The following TMEM131 variants were observed in gnomAD, a reference collection of about 807,000 sequenced individuals.
TMEM131 encodes the protein transmembrane protein 131, also known as 2610524E03Rik.
Under a neutral mutation model 211.6 loss-of-function variants are expected in TMEM131, and 66 were observed. The ratio of observed to expected loss-of-function variants is 0.31; its 90% CI spans 0.26 to 0.38. The LOEUF (loss-of-function observed/expected upper bound fraction) is 0.38. Among genes scored for constraint, TMEM131 ranks in the 10% least tolerant of loss-of-function variants. The pLI is 1.00. For missense variants in TMEM131, 2,036 were observed against 2,299.3 expected, an observed-to-expected ratio of 0.89 and a Z score of 2.34; for synonymous variants, 844 against 841.3, an observed-to-expected ratio of 1.00 and a Z score of -0.06.
At chr2:97,954,063 G>A (rs1443403699) in intron 1 of TMEM131, among the ~76,000 whole-genome samples, 1 of 152,140 alleles carries the variant, frequency 6.6e-6, no homozygotes, top group Non-Finnish European at 1.5e-5. Context: ...TAGAAAAGAG[G>A]AAATGGTCTC....
intron 7 of TMEM131, 132 bp downstream of exon 7, chr2:97,841,683 A>G: frequency 9.6e-7 from 1 of 1,037,364 alleles, no homozygotes; most frequent in Non-Finnish European, 1.3e-6. Context: ...ACTAAAAGTA[A>G]TACCCCTCTC....
At chr2:97,825,687 G>T (rs1559383560) in intron 11 of TMEM131, among the ~76,000 whole-genome samples, 1 of 152,120 alleles carries the variant, frequency 6.6e-6, no homozygotes, top group Non-Finnish European at 1.5e-5. Context: ...GAGAGAGCAG[G>T]GATAGCTCTT....
chr2:97,811,366 T>C, intron 17 of TMEM131, 134 bp from the exon 18 acceptor site: 1 of 682,780 alleles, frequency 1.5e-6, no homozygotes, highest in South Asian at 1.6e-5. Flanking sequence ...AATTACCATA[T>C]CACTGTGTAC....
intron 4 of TMEM131, among the ~76,000 whole-genome samples, chr2:97,865,116 A>G (rs1361944847): frequency 6.6e-6 from 1 of 152,238 alleles, no homozygotes; most frequent in African/African-American, 2.4e-5. Flanking sequence ...TTTGGGGATT[A>G]TCTCTCCTTT....
At chr2:97,885,337 G>A (rs976312017) in intron 4 of TMEM131, among the ~76,000 whole-genome samples, 4 of 150,378 alleles carry the variant, frequency 2.7e-5, no homozygotes, top group Middle Eastern at 3.4e-3. Flanking sequence ...GACTACAGGC[G>A]CCCGCCACCA....
intron 18 of TMEM131, among the ~76,000 whole-genome samples, chr2:97,810,195 C>A (rs763895809): frequency 2.6e-5 from 4 of 151,522 alleles, no homozygotes; most frequent in African/African-American, 4.8e-5. Context: ...TTTTTTGATA[C>A]AGAAATAGAC....
At chr2:97,889,157 A>C (rs1322016805) in intron 3 of TMEM131, among the ~76,000 whole-genome samples, 1 of 152,220 alleles carries the variant, frequency 6.6e-6, no homozygotes, top group East Asian at 1.9e-4. Context: ...GAAGGTAATA[A>C]AATCCAAACA....
chr2:97,847,114 G>A (rs1206141626), intron 5 of TMEM131, among the ~76,000 whole-genome samples: 1 of 138,192 alleles, frequency 7.2e-6, no homozygotes, highest in Non-Finnish European at 1.5e-5. Context: ...GCTTGAACCC[G>A]GGAGACAGAG....
chr2:97,871,190 T>C (rs954712497), intron 4 of TMEM131, among the ~76,000 whole-genome samples: 5 of 152,228 alleles, frequency 3.3e-5, no homozygotes, highest in African/African-American at 1.2e-4. Flanking sequence ...AAGCATCTTT[T>C]ACAGCCTGCA....
chr2:97,819,309 AGC>A (rs1681999351), intron 11 of TMEM131, among the ~76,000 whole-genome samples: 1 of 152,244 alleles, frequency 6.6e-6, no homozygotes, highest in African/African-American at 2.4e-5. Flanking sequence ...AGGGATGTTC[AGC>A]TTGAAGCCAG....
intron 1 of TMEM131, among the ~76,000 whole-genome samples, chr2:97,935,790 T>C (rs1285301422): frequency 6.6e-6 from 1 of 152,192 alleles, no homozygotes; most frequent in African/African-American, 2.4e-5. Context: ...AACCAAAAGC[T>C]TGCAGCAATC....
At chr2:97,877,992 A>G (rs1479181053) in intron 4 of TMEM131, among the ~76,000 whole-genome samples, 1 of 152,238 alleles carries the variant, frequency 6.6e-6, no homozygotes, top group Admixed American at 6.5e-5. Context: ...TCTACAAGGA[A>G]CTTAAACAAA....
intron 1 of TMEM131, among the ~76,000 whole-genome samples, chr2:97,946,935 A>C (rs142345931): frequency 0.012 from 1,893 of 152,088 alleles, 20 homozygotes; most frequent in Non-Finnish European, 0.021. Flanking sequence ...CAAAAAAAAA[A>C]CTTCAACATA....
chr2:97,943,037 AAAAGAAAG>A (rs71394401), intron 1 of TMEM131, among the ~76,000 whole-genome samples: 1,010 of 65,986 alleles, frequency 0.015, 33 homozygotes, highest in East Asian at 0.045. Flanking sequence ...AAAAGAAAAG[AAAAGAAAG>A]AAAGAAAGAA....
At chr2:97,991,170 C>CT (rs1680247666) in intron 1 of TMEM131, among the ~76,000 whole-genome samples, 1 of 152,128 alleles carries the variant, frequency 6.6e-6, no homozygotes, top group Non-Finnish European at 1.5e-5. Context: ...TATTTATGTA[C>CT]TACAGATGTT....
At position 97,756,571 on chromosome 2, in the gene TMEM131, A is replaced by G. The variant is rs1376780605; in HGVS notation, c.*528T>C. ...TCTTAAGTTGACTTACATTTCTGTA[A>G]TCTGCTTTTAAACCAAGACAGCCTT... On this transcript the variant is annotated 3_prime_UTR_variant, in exon 41 of 41. Coordinates refer to ENST00000186436, the MANE Select transcript of TMEM131 (RefSeq NM_015348.2). 6.6e-6 allele frequency: 1 copy of G among 152,306 alleles called. No individual in the cohort carries two copies. The highest frequency in any genetic ancestry group is 1.9e-4 in the East Asian group (1 of 5,208). The allele number at this position is 152,306 out of a possible 1,614,324, so 9.4% of individuals were successfully genotyped here.
At chr2:97,971,296 A>G (rs1206902317) in intron 1 of TMEM131, among the ~76,000 whole-genome samples, 1 of 152,254 alleles carries the variant, frequency 6.6e-6, no homozygotes, top group Admixed American at 6.5e-5. Flanking sequence ...ACAGGAAAAT[A>G]GCACACAAGG....
intron 11 of TMEM131, 40 bp from the exon 12 acceptor site, chr2:97,818,761 G>A (rs1394091515): frequency 1.8e-5 from 24 of 1,337,222 alleles, no homozygotes; most frequent in Non-Finnish European, 2.5e-5. Flanking sequence ...CATTATTTCA[G>A]ACTAATGGTT....
intron 12 of TMEM131, 132 bp downstream of exon 12, chr2:97,818,481 G>GGGGCAA: frequency 6.8e-6 from 2 of 292,102 alleles, no homozygotes; most frequent in Admixed American, 5.5e-5. Context: ...GGCGGGGGGG[G>GGGGCAA]ATCAACCTAA....
Sources: gnomAD v4.1 joint callset for allele counts (sites outside exome capture counted in the v4.1 genomes callset) on GRCh38, gnomAD v4.1.1 for gene constraint, MANE v1.5 for transcripts, NCBI Gene and HGNC (gene_info 2026-07-23, HGNC 2026-07-21) for gene names.